DPF3: variants seen among roughly 807,000 people sequenced by gnomAD.
The protein encoded by DPF3 is double PHD fingers 3.
Under a neutral mutation model 56.8 loss-of-function variants are expected in DPF3, and 18 were observed. That is an observed-to-expected ratio of 0.32 (90% CI 0.22 to 0.47). DPF3 has a LOEUF of 0.47. DPF3 is among the 20% of genes least tolerant of loss of function. The pLI is 1.00. For missense variants in DPF3, 403 were observed against 488.8 expected, an observed-to-expected ratio of 0.82 and a Z score of 1.65; for synonymous variants, 188 against 180.2, an observed-to-expected ratio of 1.04 and a Z score of -0.35.
intron 7 of DPF3, among the ~76,000 whole-genome samples, chr14:72,679,044 G>C (rs1020411663): frequency 6.6e-6 from 1 of 152,196 alleles, no homozygotes; most frequent in Admixed American, 6.5e-5. Context: ...AGGGAAGCGA[G>C]AGCAGGCATT....
intron 1 of DPF3, among the ~76,000 whole-genome samples, chr14:72,801,558 C>T (rs1892894255): frequency 6.6e-6 from 1 of 152,228 alleles, no homozygotes; most frequent in Admixed American, 6.5e-5. Flanking sequence ...GTTCATGCCC[C>T]TATGAATCAC....
chr14:72,725,139 G>A (rs766759507), intron 4 of DPF3, among the ~76,000 whole-genome samples: 10 of 152,222 alleles, frequency 6.6e-5, no homozygotes, highest in African/African-American at 1.4e-4. Flanking sequence ...TTTATCTAGT[G>A]CTGACTACGT....
intron 1 of DPF3, among the ~76,000 whole-genome samples, chr14:72,887,626 T>C (rs1010449645): frequency 6.6e-6 from 1 of 152,234 alleles, no homozygotes; most frequent in Non-Finnish European, 1.5e-5. Flanking sequence ...AGAAAGTTGT[T>C]GGCTTGAAAG....
intron 1 of DPF3, among the ~76,000 whole-genome samples, chr14:72,850,541 G>A (rs910314006): frequency 4.6e-5 from 7 of 152,140 alleles, no homozygotes; most frequent in African/African-American, 1.7e-4. Context: ...AGATGTCCCC[G>A]CCCCTGCTCT....
At chr14:72,732,402 C>T (rs1889697197) in intron 3 of DPF3, among the ~76,000 whole-genome samples, 1 of 152,230 alleles carries the variant, frequency 6.6e-6, no homozygotes, top group African/African-American at 2.4e-5. Context: ...TCATTCCCTC[C>T]TATCCCAGCT....
intron 1 of DPF3, among the ~76,000 whole-genome samples, chr14:72,822,595 A>G (rs551503992): frequency 6.6e-6 from 1 of 152,326 alleles, no homozygotes; most frequent in East Asian, 1.9e-4. Flanking sequence ...GGATGTGAAA[A>G]CAGGGGTGAC....
chr14:72,613,347 G>A lies in DPF3; in HGVS notation c.*5950C>T, dbSNP rs1185273836. 2.6e-5 allele frequency among the ~76,000 whole-genome samples: 4 copies of A among 152,150 alleles called. No homozygotes were observed. The highest frequency in any genetic ancestry group is 7.2e-5 in the African/African-American group (3 of 41,432). On this transcript the variant is annotated 3_prime_UTR_variant, in exon 11 of 11. Coordinates refer to ENST00000556509, the MANE Select transcript of DPF3 (RefSeq NM_001280542.3). ...GCCATTTTGCTCAATGCCTGGGCTA[G>A]AGGTCATGATAAGTAATTATATCTC...
chr14:72,810,020 C>G (rs1251821492), intron 1 of DPF3, among the ~76,000 whole-genome samples: 1 of 152,196 alleles, frequency 6.6e-6, no homozygotes, highest in East Asian at 1.9e-4. Flanking sequence ...AGCACTGTGC[C>G]TGTACATGTT....
At chr14:72,880,883 G>A (rs1200945595) in intron 1 of DPF3, among the ~76,000 whole-genome samples, 2 of 152,212 alleles carry the variant, frequency 1.3e-5, no homozygotes, top group Non-Finnish European at 2.9e-5. Flanking sequence ...CACCTCTAGG[G>A]AATAGGCATG....
chr14:72,688,347 C>T (rs868868312), intron 7 of DPF3, among the ~76,000 whole-genome samples: 5 of 149,516 alleles, frequency 3.3e-5, no homozygotes, highest in South Asian at 2.2e-4. Context: ...GACGTATACA[C>T]GGATGGATGG....
chr14:72,721,396 C>G (rs740973), intron 5 of DPF3, among the ~76,000 whole-genome samples: 45,835 of 152,082 alleles, frequency 0.3, 7,358 homozygotes, highest in East Asian at 0.46. Context: ...AGAAGGAAAG[C>G]AAGTGGGTCT....
At chr14:72,869,100 TC>T (rs1465293727) in intron 1 of DPF3, among the ~76,000 whole-genome samples, 1 of 152,074 alleles carries the variant, frequency 6.6e-6, no homozygotes, top group East Asian at 1.9e-4. Flanking sequence ...CTTCCATGGG[TC>T]CCCCAACATG....
intron 8 of DPF3, among the ~76,000 whole-genome samples, chr14:72,629,995 G>A (rs1186305846): frequency 6.6e-6 from 1 of 152,148 alleles, no homozygotes; most frequent in African/African-American, 2.4e-5. Flanking sequence ...GTAACCAGTT[G>A]ATGAAGATGG....
At chr14:72,720,717 G>C (rs576072928) in intron 5 of DPF3, among the ~76,000 whole-genome samples, 3 of 152,316 alleles carry the variant, frequency 2.0e-5, no homozygotes, top group African/African-American at 7.2e-5. Context: ...GCACAGACCT[G>C]TGTTCAAATC....
chr14:72,835,808 C>T (rs1476021466), intron 1 of DPF3, among the ~76,000 whole-genome samples: 1 of 152,082 alleles, frequency 6.6e-6, no homozygotes, highest in Admixed American at 6.5e-5. Flanking sequence ...TGACCCGCAG[C>T]GAGGCAGCAA....
At chr14:72,795,123 C>G (rs988210784) in intron 1 of DPF3, among the ~76,000 whole-genome samples, 3 of 151,850 alleles carry the variant, frequency 2.0e-5, no homozygotes, top group Admixed American at 6.6e-5. Context: ...AGGACATGGA[C>G]ATCTTTGGGG....
At chr14:72,698,939 C>T (rs964070883) in intron 6 of DPF3, among the ~76,000 whole-genome samples, 15 of 151,996 alleles carry the variant, frequency 9.9e-5, no homozygotes, top group African/African-American at 1.9e-4. Flanking sequence ...ATGTCAGCTA[C>T]GGAAAGCAAA....
At chr14:72,841,347 C>T (rs1680798982) in intron 1 of DPF3, among the ~76,000 whole-genome samples, 1 of 152,130 alleles carries the variant, frequency 6.6e-6, no homozygotes, top group East Asian at 1.9e-4. Context: ...GACAGGGGAG[C>T]TTTGGAGTGT....
chr14:72,879,270 C>A (rs1295410145), intron 1 of DPF3, among the ~76,000 whole-genome samples: 1 of 151,980 alleles, frequency 6.6e-6, no homozygotes. Context: ...ATTGTCCCAG[C>A]TACTCAGGAG....
Sources: gnomAD v4.1 joint callset for allele counts (sites outside exome capture counted in the v4.1 genomes callset) on GRCh38, gnomAD v4.1.1 for gene constraint, MANE v1.5 for transcripts, NCBI Gene and HGNC (gene_info 2026-07-23, HGNC 2026-07-21) for gene names.